AP3D1: variants seen among roughly 807,000 people sequenced by gnomAD.
AP3D1 encodes AP-3 complex subunit delta-1.
Under a neutral mutation model 147.6 loss-of-function variants are expected in AP3D1, and 51 were observed. The ratio of observed to expected loss-of-function variants is 0.35; its 90% CI spans 0.28 to 0.44. The LOEUF is 0.44. Among genes scored for constraint, AP3D1 ranks in the 20% least tolerant of loss-of-function variants. The pLI is 1.00. For missense variants in AP3D1, 1,421 were observed against 1,624.2 expected, an observed-to-expected ratio of 0.87 and a Z score of 2.15; for synonymous variants, 760 against 663.0, an observed-to-expected ratio of 1.15 and a Z score of -2.25.
At position 2,121,716 on chromosome 19, in the gene AP3D1, C is replaced by T. The variant is rs566494919; in HGVS notation, c.1101+18G>A. The T allele has an allele frequency of 6.5e-5, 101 of 1,556,286 alleles. No homozygotes were observed. The highest frequency in any genetic ancestry group is 5.4e-4 in the East Asian group (24 of 44,094). ...GAACTAAGGCCAGGCGGGCGGGCGG[C>T]GGACAGAGGGCACGCACCATCCCAT... On this transcript the variant is annotated intron_variant, in intron 12 of 31. Coordinates refer to ENST00000643116, the MANE Select transcript of AP3D1 (RefSeq NM_001261826.3).
intron 31 of AP3D1, among the ~76,000 whole-genome samples, chr19:2,105,440 C>A (rs1330174801): frequency 6.6e-6 from 1 of 152,266 alleles, no homozygotes; most frequent in Non-Finnish European, 1.5e-5. Flanking sequence ...CATGAGCGAG[C>A]TGTGTCTTCA....
At chr19:2,142,750 T>C (rs1169276363) in intron 1 of AP3D1, among the ~76,000 whole-genome samples, 1 of 138,188 alleles carries the variant, frequency 7.2e-6, no homozygotes, top group Admixed American at 7.2e-5. Flanking sequence ...TGAGGGGTTT[T>C]TTCTGTTTTT....
intron 16 of AP3D1, 42 bp downstream of exon 16, chr19:2,117,180 G>A (rs755238011): frequency 1.9e-6 from 3 of 1,549,906 alleles, no homozygotes; most frequent in Admixed American, 3.9e-5. Context: ...AAGGGACCAT[G>A]TCAGGGCCAT....
intron 3 of AP3D1, 61 bp from the exon 4 acceptor site, chr19:2,137,152 C>G: frequency 7.0e-7 from 1 of 1,428,270 alleles, no homozygotes; most frequent in South Asian, 1.2e-5. Flanking sequence ...GGAGCTCCAG[C>G]TCTGCTCTGC....
At chr19:2,135,734 C>T (rs1042807594) in intron 4 of AP3D1, among the ~76,000 whole-genome samples, 1 of 152,148 alleles carries the variant, frequency 6.6e-6, no homozygotes, top group Admixed American at 6.5e-5. Flanking sequence ...CGCAAGGCAG[C>T]GGCGGATCTA....
intron 14 of AP3D1, among the ~76,000 whole-genome samples, chr19:2,119,094 G>C (rs2018539592): frequency 1.3e-5 from 2 of 152,200 alleles, no homozygotes; most frequent in Non-Finnish European, 2.9e-5. Flanking sequence ...AGGACAACGG[G>C]GTCAACTGTG....
At chr19:2,145,790 G>A (rs952418319) in intron 1 of AP3D1, among the ~76,000 whole-genome samples, 2 of 152,170 alleles carry the variant, frequency 1.3e-5, no homozygotes, top group Non-Finnish European at 2.9e-5. Flanking sequence ...TCTGCCCAGA[G>A]ATTGCCTTTT....
At position 2,108,728 on chromosome 19, in the gene AP3D1, G is replaced by A. The variant is rs760710224; in HGVS notation, c.3511C>T (p.Arg1171Cys). 6.5e-5 allele frequency: 103 copies of A among 1,583,226 alleles called. 1 individual carries two copies. The highest frequency in any genetic ancestry group is 7.6e-5 in the Non-Finnish European group (89 of 1,165,098). ...CAGACATGGTGGCCCTGGATGGAGC[G>A]GCTGTACATGGAGGCGCAGGAGTCC... ...RVDSCASMYS[R>C]SIQGHHVCLL... is the part of the protein sequence containing the mutation. The change falls in exon 31 of 32, where the codon CGC (arginine) becomes TGC (cysteine). Residue 1171 changes from arginine (R) to cysteine (C), a missense_variant. This residue lies in a region of AP3D1 where 791 missense variants were observed against 761.4 expected (regional missense o/e 1.04). Transcript: ENST00000643116.
chr19:2,102,161 C>T lies in AP3D1; in HGVS notation c.*12G>A, dbSNP rs199607685. ...GTGCTCCGCGGGGTGGTGCGGGGCTCGCAGGCAGCTCTCAACACTTGGCCA... is the reference window on the plus strand; with the variant it reads ...GTGCTCCGCGGGGTGGTGCGGGGCTTGCAGGCAGCTCTCAACACTTGGCCA... On this transcript the variant is annotated 3_prime_UTR_variant, in exon 32 of 32. Coordinates refer to ENST00000643116, the MANE Select transcript of AP3D1 (RefSeq NM_001261826.3). 70 of 1,609,852 alleles carry T rather than the reference C, an allele frequency of 4.3e-5. No homozygotes were observed. The highest frequency in any genetic ancestry group is 2.9e-4 in the African/African-American group (22 of 74,954).
intron 9 of AP3D1, among the ~76,000 whole-genome samples, chr19:2,124,834 G>A (rs999848879): frequency 3.3e-5 from 5 of 152,176 alleles, no homozygotes; most frequent in Non-Finnish European, 5.9e-5. Flanking sequence ...CAGCTACTCT[G>A]GAGGCTGAGG....
In AP3D1 at chr19:2,102,084, T is replaced by C. The variant is rs1718804427; in HGVS notation, c.*89A>G. The C allele has an allele frequency of 1.9e-5, 19 of 1,008,688 alleles. No homozygotes were observed. In the South Asian group the frequency reaches 2.4e-4, roughly 13 times the overall value. The allele number at this position is 1,008,688 out of a possible 1,614,324, so 62.5% of individuals were successfully genotyped here. A position where few individuals can be genotyped will look rare whatever the true frequency, so the allele number is the denominator to read the frequency against. On this transcript the variant is annotated 3_prime_UTR_variant, in exon 32 of 32. Transcript: ENST00000643116. ...AATTAACACTCAGGCTTGGGTACAGTACACACGACTGAGGAGAGGCGAGAC... is the reference window on the plus strand; with the variant it reads ...AATTAACACTCAGGCTTGGGTACAGCACACACGACTGAGGAGAGGCGAGAC...
chr19:2,156,576 C>T (rs1322620638), intron 1 of AP3D1, among the ~76,000 whole-genome samples: 2 of 151,750 alleles, frequency 1.3e-5, no homozygotes, highest in African/African-American at 2.4e-5. Flanking sequence ...CAGGGCAGGG[C>T]GCGGTGGCTC....
intron 27 of AP3D1, 77 bp from the exon 28 acceptor site, chr19:2,110,301 A>C (rs1317826278): frequency 1.6e-5 from 19 of 1,214,970 alleles, no homozygotes; most frequent in Non-Finnish European, 2.2e-5. Flanking sequence ...GTCTGTCCTC[A>C]GTCCCAAGTC....
intron 22 of AP3D1, among the ~76,000 whole-genome samples, chr19:2,113,623 C>G (rs550469464): frequency 6.6e-6 from 1 of 152,146 alleles, no homozygotes; most frequent in Admixed American, 6.5e-5. Context: ...AGAAGAGGGC[C>G]GGGGACAAAG....
intron 20 of AP3D1, 137 bp downstream of exon 20, chr19:2,115,082 C>T: frequency 1.0e-6 from 1 of 956,188 alleles, no homozygotes; most frequent in Middle Eastern, 3.3e-4. Flanking sequence ...AGAGGCCTCT[C>T]CTCCTATGCT....
At position 2,121,168 on chromosome 19, in the gene AP3D1, G is replaced by A. The variant is rs369564847; in HGVS notation, c.1245C>T (p.Phe415=). 215 of 1,614,068 alleles carry A rather than the reference G, an allele frequency of 1.3e-4. No individual in the cohort carries two copies. The highest frequency in any genetic ancestry group is 1.8e-4 in the Non-Finnish European group (211 of 1,180,016). The change falls in exon 13 of 32, where the codon TTC becomes TTT. Residue 415 remains phenylalanine, a synonymous_variant. Transcript: ENST00000643116. ...SQSNYQYITN[F]EWYISILVEL... is the part of the protein sequence containing the mutation. ...CCCCTGGGAGCGGGACGCACCACTC[G>A]AAGTTGGTGATGTACTGGTAGTTGG... is the stretch of plus-strand genomic sequence containing the variant.
chr19:2,155,314 T>C (rs575695696), upstream of AP3D1, among the ~76,000 whole-genome samples: 91 of 151,878 alleles, frequency 6.0e-4, no homozygotes, highest in African/African-American at 2.1e-3. Context: ...TGAGTGGAGA[T>C]TGCGCCACTG....
intron 9 of AP3D1, among the ~76,000 whole-genome samples, chr19:2,126,609 C>T (rs118145018): frequency 0.12 from 18,267 of 146,718 alleles, 1,242 homozygotes; most frequent in Non-Finnish European, 0.16. Context: ...AGCCAAGTTG[C>T]GCCACTGCCC....
intron 26 of AP3D1, 59 bp from the exon 27 acceptor site, chr19:2,110,955 G>T: frequency 6.4e-7 from 1 of 1,556,518 alleles, no homozygotes. Flanking sequence ...AACAGGCACA[G>T]CCACCTGTCT....
Sources: allele counts gnomAD v4.1 joint callset (sites outside exome capture counted in the v4.1 genomes callset), GRCh38; gene constraint gnomAD v4.1.1; regional missense constraint gnomAD v4.1.1; transcripts MANE v1.5; gene names NCBI Gene and HGNC (gene_info 2026-07-23, HGNC 2026-07-21).